BAIAP2L2: variants seen among roughly 807,000 people sequenced by gnomAD.
BAIAP2L2 encodes BAR/IMD domain-containing adapter protein 2-like 2.
BAIAP2L2 carries 65 observed loss-of-function variants against 60.4 expected under a neutral mutation model. That is an observed-to-expected ratio of 1.08 (90% CI 0.88 to 1.32). The LOEUF (loss-of-function observed/expected upper bound fraction) is 1.32. Among genes scored for constraint, BAIAP2L2 ranks in the 40% most tolerant of loss-of-function variants. The pLI is 0.00. For missense variants in BAIAP2L2, 836 were observed against 741.2 expected (o/e 1.13, Z -1.48); for synonymous variants, 344 against 301.7 (o/e 1.14, Z -1.45).
At position 38,088,937 on chromosome 22, in the gene BAIAP2L2, C is replaced by T. The variant is rs780264497; in HGVS notation, c.929G>A (p.Ser310Asn). ...ASSLYSGSAQ[S>N]SRSNSFGERP... The stretch of plus-strand genomic sequence containing the variant: ...CTCGCCAAAGGAGTTGGAGCGCGAG[C>T]TTTGGGCGCTGCCGCTGTAGAGCGA... The change falls in exon 10 of 14, where the codon AGC becomes AAC. Residue 310 changes from serine (S) to asparagine (N), a missense_variant. Ser to Asn is a conservative substitution (Grantham distance 46). Coordinates refer to ENST00000381669, the MANE Select transcript of BAIAP2L2 (RefSeq NM_025045.6). 9 of 1,536,786 alleles carry T rather than the reference C, an allele frequency of 5.9e-6. No homozygotes were observed. The Admixed American group carries it at 9.8e-5, about 17-fold the overall frequency.
At chr22:38,105,339 C>CTTTT (rs1035690122) in intron 4 of BAIAP2L2, among the ~76,000 whole-genome samples, 27 of 94,962 alleles carry the variant, frequency 2.8e-4, no homozygotes, top group Admixed American at 1.9e-3. Flanking sequence ...TTTTTCTTTT[C>CTTTT]TTTTTTTTTT....
chr22:38,104,167 G>C (rs1320151638), intron 4 of BAIAP2L2, among the ~76,000 whole-genome samples: 1 of 151,942 alleles, frequency 6.6e-6, no homozygotes, highest in African/African-American at 2.4e-5. Context: ...AGCAGATAAG[G>C]GGAAGGGTCT....
rs201761880 is a variant in BAIAP2L2 at position 38,086,402 on chromosome 22, C to T, written c.1307G>A (p.Arg436Gln). The T allele has an allele frequency of 2.9e-4, 446 of 1,531,562 alleles. No individual in the cohort carries two copies. The highest frequency in any genetic ancestry group is 8.8e-4 in the Middle Eastern group (5 of 5,652). 94.9% of individuals were successfully genotyped at this position (1,531,562 alleles called of 1,614,324 possible). A position where few individuals can be genotyped will look rare whatever the true frequency, so the allele number is the denominator to read the frequency against. ...GSHSLDDLLD[R>Q]PGNSIAPSEY... Reference sequence around the variant, plus strand: ...CGAGGGTGCTATGGAGTTGCCCGGCCGGTCCAGGAGGTCATCGAGGCTGTG... The same window carrying T: ...CGAGGGTGCTATGGAGTTGCCCGGCTGGTCCAGGAGGTCATCGAGGCTGTG... Residue 436 changes from arginine to glutamine, a missense_variant, in exon 12 of 14, where the codon CGG becomes CAG. Transcript: ENST00000381669.
rs112779975 is a variant in BAIAP2L2, at chr22:38,088,705, T to C, written c.1118+43A>G. 18 of 1,527,316 alleles carry C rather than the reference T, an allele frequency of 1.2e-5. No individual in the cohort carries two copies. In the Admixed American group the frequency reaches 3.2e-4, roughly 27 times the overall value. The allele number at this position is 1,527,316 out of a possible 1,614,324, so 94.6% of individuals were successfully genotyped here. On this transcript the variant is annotated intron_variant, in intron 10 of 13. Coordinates refer to ENST00000381669, the MANE Select transcript of BAIAP2L2 (RefSeq NM_025045.6). ...CCCCGGGTTCCCGGCCCCCAGGGCC[T>C]TCTTCTCAACCCACCCCCGGCCCCT...
intron 7 of BAIAP2L2, among the ~76,000 whole-genome samples, chr22:38,094,579 G>C (rs1602009594): frequency 6.6e-6 from 1 of 152,160 alleles, no homozygotes; most frequent in Admixed American, 6.6e-5. Context: ...CTACAAACCA[G>C]AAAGTGTACA....
intron 7 of BAIAP2L2, 49 bp from the exon 8 acceptor site, chr22:38,089,723 A>C: frequency 3.3e-6 from 4 of 1,223,522 alleles, no homozygotes; most frequent in Non-Finnish European, 4.1e-6. Context: ...CGGCTCCCTG[A>C]ATCCTGGGGA....
At chr22:38,098,679 TTAGTG>T (rs2086501134) in intron 4 of BAIAP2L2, among the ~76,000 whole-genome samples, 197 bp from the exon 5 acceptor site, 1 of 152,200 alleles carries the variant, frequency 6.6e-6, no homozygotes. Flanking sequence ...TTCACAATGT[TTAGTG>T]CAGTGCTGCC....
chr22:38,108,120 C>G (rs2086704665), intron 3 of BAIAP2L2, 135 bp downstream of exon 3: 1 of 998,930 alleles, frequency 1.0e-6, no homozygotes, highest in Non-Finnish European at 1.5e-6. Context: ...GGCGGGGAGC[C>G]TGGGCCCCAG....
intron 4 of BAIAP2L2, among the ~76,000 whole-genome samples, chr22:38,105,988 C>G (rs1426715929): frequency 6.6e-6 from 1 of 152,206 alleles, no homozygotes; most frequent in African/African-American, 2.4e-5. Flanking sequence ...GAGGACAGCT[C>G]TCCTTACAGA....
At chr22:38,089,313 TCCCAGG>T (rs1436767370) in intron 8 of BAIAP2L2, 82 bp from the exon 9 acceptor site, 1 of 509,856 alleles carries the variant, frequency 2.0e-6, no homozygotes, top group African/African-American at 2.4e-5. Flanking sequence ...CCACCCCCAG[TCCCAGG>T]CGTCGGCGTA....
chr22:38,087,337 TC>T (rs35632710), intron 10 of BAIAP2L2, 73 bp from the exon 11 acceptor site: 1 of 1,534,828 alleles, frequency 6.5e-7, no homozygotes, highest in Non-Finnish European at 8.8e-7. Context: ...GAAGACATCC[TC>T]CCCTCAGGGT....
intron 4 of BAIAP2L2, among the ~76,000 whole-genome samples, chr22:38,106,993 G>GT: frequency 6.6e-6 from 1 of 152,322 alleles, no homozygotes; most frequent in Middle Eastern, 3.4e-3. Context: ...TCCAGGGGCA[G>GT]TAAGTAGGGG....
Position 38,110,545 on chromosome 22 carries a change from T to C in BAIAP2L2, c.-20A>G. 2 of 1,601,084 alleles carry C rather than the reference T, an allele frequency of 1.2e-6. No individual in the cohort carries two copies. Among genetic ancestry groups the C allele is most frequent in the Non-Finnish European group, 8.5e-7 (1 of 1,172,822 alleles). On this transcript the variant is annotated 5_prime_UTR_variant, in exon 1 of 14. Transcript: ENST00000381669. ...GGCCATGGAGGGGCTGTCCCGGGTC[T>C]GAGCAGGAGGCTGGGAGCTGGTGGC...
chr22:38,086,952 C>T (rs541106139), intron 11 of BAIAP2L2, among the ~76,000 whole-genome samples, 172 bp downstream of exon 11: 2 of 148,824 alleles, frequency 1.3e-5, no homozygotes, highest in African/African-American at 2.5e-5. Context: ...GCCAAGATGG[C>T]GCCACTGCAC....
Position 38,110,120 on chromosome 22 carries a change from GGAGAGAGAGAGAGAGAGAGA to G in BAIAP2L2, c.51+335_51+354del, listed in dbSNP as rs1202491630. On this transcript the variant is annotated intron_variant, in intron 1 of 13. Transcript: ENST00000381669. The stretch of plus-strand genomic sequence containing the variant: ...GAGACAGAGAGAGGGAGAGAGAGAG[GGAGAGAGAGAGAGAGAGAGA>G]GAGAGAGAGGGAGAGACAGAGAGAG... Among the ~76,000 whole-genome samples, 108 of 18,884 alleles carry G rather than the reference GGAGAGAGAGAGAGAGAGAGA, an allele frequency of 5.7e-3. 4 individuals carry two copies. Among genetic ancestry groups the G allele is most frequent in the Non-Finnish European group, 0.018 (85 of 4,668 alleles). The allele number at this position is 18,884 out of a possible 152,430, so 12.4% of individuals were successfully genotyped here.
chr22:38,089,545 G>T lies in BAIAP2L2; in HGVS notation c.742C>A (p.Leu248Met). The T allele has an allele frequency of 8.2e-7, 1 of 1,224,002 alleles. No homozygotes were observed. The highest frequency in any genetic ancestry group is 1.0e-6 in the Non-Finnish European group (1 of 983,370). 75.8% of individuals were successfully genotyped at this position (1,224,002 alleles called of 1,614,324 possible). ...ACCATGTCCAGGCAGGTGGGCGTCA[G>T]GCGGCCCGAGGGGTAGGGCGGCCCC... Reference protein sequence around the residue: ...ALGPPYPSGRLTPTCLDMPPR... With the variant: ...ALGPPYPSGRMTPTCLDMPPR... Residue 248 changes from leucine to methionine, a missense_variant, in exon 8 of 14, where the codon CTG (leucine) becomes ATG (methionine). Transcript: ENST00000381669.
chr22:38,102,229 C>G (rs1302372121), intron 4 of BAIAP2L2, among the ~76,000 whole-genome samples: 2 of 152,118 alleles, frequency 1.3e-5, no homozygotes, highest in Admixed American at 1.3e-4. Context: ...TTGAAACTGA[C>G]CAGCCAGGCT....
At position 38,096,970 on chromosome 22, in the gene BAIAP2L2, G is replaced by A. The variant is rs562573845; in HGVS notation, c.612+62C>T. 2.0e-3 allele frequency: 3,116 copies of A among 1,547,310 alleles called. 5 individuals carry two copies. The highest frequency in any genetic ancestry group is 2.4e-3 in the Non-Finnish European group (2,766 of 1,139,778). On this transcript the variant is annotated intron_variant, in intron 7 of 13. Coordinates refer to ENST00000381669, the MANE Select transcript of BAIAP2L2 (RefSeq NM_025045.6). Reference sequence around the variant, plus strand: ...AGAAGGGAGGGAAACCTCTATGTACGGCCACTCAGGAGGGGGCAGCTCCTA... The same window carrying A: ...AGAAGGGAGGGAAACCTCTATGTACAGCCACTCAGGAGGGGGCAGCTCCTA...
At position 38,110,049 on chromosome 22, in the gene BAIAP2L2, CAGAG is replaced by C. The variant is rs1231617585; in HGVS notation, c.51+422_51+425del. Among the ~76,000 whole-genome samples, 42 of 4,216 alleles carry C rather than the reference CAGAG, an allele frequency of 1.0e-2. 3 individuals are homozygous for C. The highest frequency in any genetic ancestry group is 0.049 in the African/African-American group (33 of 672). The allele number at this position is 4,216 out of a possible 152,430, so 2.8% of individuals were successfully genotyped here. On this transcript the variant is annotated intron_variant, in intron 1 of 13. Coordinates refer to ENST00000381669, the MANE Select transcript of BAIAP2L2 (RefSeq NM_025045.6). Reference sequence around the variant, plus strand: ...TGAGAGAGACAGAGACAGGGAGAGACAGAGAGAGAGAGAGAGACAGAGAGAGAGA... The same window carrying C: ...TGAGAGAGACAGAGACAGGGAGAGACAGAGAGAGAGAGACAGAGAGAGAGA...
Sources: gnomAD v4.1 joint callset for allele counts (sites outside exome capture counted in the v4.1 genomes callset) on GRCh38, gnomAD v4.1.1 for gene constraint, MANE v1.5 for transcripts, NCBI Gene and HGNC (gene_info 2026-07-23, HGNC 2026-07-21) for gene names.